GREB1L: variants seen among roughly 807,000 people sequenced by gnomAD.
GREB1L encodes GREB1-like protein.
GREB1L carries 17 observed loss-of-function variants against 200.8 expected under a neutral mutation model. That is an observed-to-expected ratio of 0.08 (90% confidence interval 0.06 to 0.13). The LOEUF (loss-of-function observed/expected upper bound fraction) is 0.13, where lower values mean the gene tolerates loss of function less well. GREB1L is among the 10% of genes least tolerant of loss of function. The pLI is 1.00. For missense variants in GREB1L, 1,657 were observed against 2,367.7 expected (o/e 0.70, Z 6.23); for synonymous variants, 789 against 893.0 (o/e 0.88, Z 2.08).
chr18:21,384,180 C>T, intron 3 of GREB1L, 26 bp from the exon 4 acceptor site: 1 of 1,418,788 alleles, frequency 7.0e-7, no homozygotes, highest in Non-Finnish European at 9.7e-7. Flanking sequence ...TTTATTAAAT[C>T]TGCTGTGATT....
chr18:21,247,825 A>T (rs2037632244), intron 1 of GREB1L, among the ~76,000 whole-genome samples: 1 of 152,136 alleles, frequency 6.6e-6, no homozygotes, highest in African/African-American at 2.4e-5. Flanking sequence ...CCTCATCTTG[A>T]TGTAGAGTTG....
intron 1 of GREB1L, among the ~76,000 whole-genome samples, chr18:21,299,402 A>G (rs1332076041): frequency 6.6e-6 from 1 of 152,118 alleles, no homozygotes; most frequent in Admixed American, 6.6e-5. Context: ...ACTCATTTCA[A>G]AACAAGTTTT....
At chr18:21,442,637 A>G (rs1186724775) in intron 10 of GREB1L, among the ~76,000 whole-genome samples, 1 of 152,174 alleles carries the variant, frequency 6.6e-6, no homozygotes, top group East Asian at 1.9e-4. Context: ...ATTTTATCCT[A>G]TCTATTTCAA....
intron 1 of GREB1L, among the ~76,000 whole-genome samples, chr18:21,298,984 G>T (rs1047074854): frequency 3.3e-5 from 5 of 151,984 alleles, no homozygotes; most frequent in African/African-American, 9.7e-5. Context: ...AAAGGCTAAA[G>T]AATCTTCAAA....
intron 11 of GREB1L, 120 bp downstream of exon 11, chr18:21,444,529 T>C: frequency 1.2e-6 from 1 of 820,644 alleles, no homozygotes; most frequent in Non-Finnish European, 1.9e-6. Flanking sequence ...TCGCTTCTAA[T>C]GTTCTTTCCC....
At chr18:21,269,663 A>G (rs533766857) in intron 1 of GREB1L, among the ~76,000 whole-genome samples, 1 of 152,362 alleles carries the variant, frequency 6.6e-6, no homozygotes, top group African/African-American at 2.4e-5. Context: ...ATGGTGTAAT[A>G]GTAAGAAAAA....
chr18:21,311,950 A>G (rs115583794), intron 1 of GREB1L, among the ~76,000 whole-genome samples: 2,249 of 152,158 alleles, frequency 0.015, 56 homozygotes, highest in African/African-American at 0.051. Flanking sequence ...CTAGTACCCA[A>G]TAGATATTTT....
intron 1 of GREB1L, among the ~76,000 whole-genome samples, chr18:21,259,621 T>A (rs1478740243): frequency 6.6e-6 from 1 of 152,070 alleles, no homozygotes; most frequent in African/African-American, 2.4e-5. Context: ...GTGTTTTTTG[T>A]CCTGTTTCCC....
Position 21,495,732 on chromosome 18 carries a change from A to G in GREB1L, c.3093A>G (p.Leu1031=), listed in dbSNP as rs189626590. 19 of 1,548,248 alleles carry G rather than the reference A, an allele frequency of 1.2e-5. No individual in the cohort carries two copies. The African/African-American group carries it at 1.2e-4, about 10-fold the overall frequency. ...GGACATACCAAGATTTAGACGGTCT[A>G]CCTTGTATTGTGATATTAACTGGCA... ...IPRTYQDLDG[L]PCIVILTGKD... is the part of the protein sequence containing the mutation. The change falls in exon 20 of 33, where the codon CTA becomes CTG. Residue 1031 remains leucine (L), a synonymous_variant. Transcript: ENST00000424526.
chr18:21,398,251 C>A (rs1052129275), intron 5 of GREB1L, among the ~76,000 whole-genome samples: 8 of 152,106 alleles, frequency 5.3e-5, no homozygotes, highest in South Asian at 2.1e-4. Context: ...TTAAGAACTT[C>A]AGCAAGTATT....
intron 15 of GREB1L, among the ~76,000 whole-genome samples, chr18:21,466,958 T>G (rs1430340384): frequency 1.3e-5 from 2 of 152,166 alleles, no homozygotes; most frequent in Non-Finnish European, 2.9e-5. Flanking sequence ...ACCTCCCATT[T>G]ACAATCAATT....
intron 2 of GREB1L, among the ~76,000 whole-genome samples, chr18:21,370,308 T>G (rs2039826235): frequency 6.6e-6 from 1 of 152,178 alleles, no homozygotes. Context: ...AGACAGATAC[T>G]AGACCCAACT....
chr18:21,515,647 A>G lies in GREB1L; in HGVS notation c.5129+3A>G, dbSNP rs1466760215. ...AATGTGCAGTATGACTTCAACAGGT[A>G]AGTCAGGCCTCATGGATGCAGGTAA... On this transcript the variant is annotated splice_donor_region_variant and intron_variant, in intron 29 of 32. Coordinates refer to ENST00000424526, the MANE Select transcript of GREB1L (RefSeq NM_001142966.3). 1.9e-6 allele frequency: 3 copies of G among 1,544,708 alleles called. No individual in the cohort carries two copies. The Admixed American group carries it at 5.9e-5, about 30-fold the overall frequency.
At chr18:21,522,036 C>T (rs2037611724) in intron 32 of GREB1L, among the ~76,000 whole-genome samples, 2 of 141,118 alleles carry the variant, frequency 1.4e-5, no homozygotes, top group Non-Finnish European at 3.0e-5. Flanking sequence ...CAGAATAGCC[C>T]CCACAACAAA....
chr18:21,375,922 G>C (rs1178340911), intron 2 of GREB1L, among the ~76,000 whole-genome samples: 1 of 152,174 alleles, frequency 6.6e-6, no homozygotes, highest in South Asian at 2.1e-4. Context: ...ACTACTGCTA[G>C]TAATAATAAC....
intron 17 of GREB1L, among the ~76,000 whole-genome samples, chr18:21,479,732 T>C (rs1345635256): frequency 6.6e-6 from 1 of 151,994 alleles, no homozygotes; most frequent in Non-Finnish European, 1.5e-5. Context: ...GGTTTAATAA[T>C]GGTATTACAG....
At chr18:21,411,300 G>A (rs1361890410) in intron 7 of GREB1L, among the ~76,000 whole-genome samples, 6 of 151,726 alleles carry the variant, frequency 4.0e-5, no homozygotes, top group Non-Finnish European at 7.4e-5. Context: ...CCCGCCTCCC[G>A]GGTTCACACC....
intron 7 of GREB1L, among the ~76,000 whole-genome samples, chr18:21,437,243 T>C (rs2033606889): frequency 6.6e-6 from 1 of 152,172 alleles, no homozygotes; most frequent in African/African-American, 2.4e-5. Context: ...TTGGAAATTT[T>C]TCAACAGTTA....
At chr18:21,521,235 C>T (rs903795155) in intron 32 of GREB1L, among the ~76,000 whole-genome samples, 2 of 150,740 alleles carry the variant, frequency 1.3e-5, no homozygotes, top group Admixed American at 6.6e-5. Flanking sequence ...ATCAGCCGGG[C>T]GTGGTGGCTC....
Sources: allele counts gnomAD v4.1 joint callset (sites outside exome capture counted in the v4.1 genomes callset), GRCh38; gene constraint gnomAD v4.1.1; transcripts MANE v1.5; gene names NCBI Gene and HGNC (gene_info 2026-07-23, HGNC 2026-07-21).